Variants in DQX1 observed in about 807,000 individuals in gnomAD.
DQX1 encodes the protein DEAQ-box RNA dependent ATPase 1, also known as ATP-dependent RNA helicase homolog DQX1.
A neutral mutation model predicts 81.3 loss-of-function variants in DQX1; 66 were observed. The ratio of observed to expected loss-of-function variants is 0.81; its 90% CI spans 0.67 to 1.00. DQX1 has a LOEUF of 1.00. DQX1 is among the 50% of genes least tolerant of loss of function. DQX1 has a pLI of 0.00. For missense variants in DQX1, 798 were observed against 867.9 expected (o/e 0.92, Z 1.01); for synonymous variants, 290 against 350.0 (o/e 0.83, Z 1.91).
In DQX1 at chr2:74,520,272, T is replaced by G. The variant is rs565342373; in HGVS notation, c.1496-238A>C. The stretch of plus-strand genomic sequence containing the variant: ...GAGACCAACAGGTAAGCAGACTTGA[T>G]AAGCATGATAGGTGTTTGTATATGG... On this transcript the variant is annotated intron_variant, in intron 8 of 11. Coordinates refer to ENST00000404568, the MANE Select transcript of DQX1 (RefSeq NM_133637.3). Among the ~76,000 whole-genome samples the G allele has an allele frequency of 4.6e-5, 7 of 152,356 alleles. No individual in the cohort carries two copies. The East Asian group carries it at 1.4e-3, about 29-fold the overall frequency.
At chr2:74,520,922 C>G (rs1675006119) in intron 8 of DQX1, among the ~76,000 whole-genome samples, 1 of 152,176 alleles carries the variant, frequency 6.6e-6, no homozygotes, top group African/African-American at 2.4e-5. Flanking sequence ...ATCCTCCCAT[C>G]TCAGCCTCCC....
In DQX1 at chr2:74,525,044, G is replaced by T. The variant is rs1675135379; in HGVS notation, c.396C>A (p.Pro132=). Residue 132 remains proline, a synonymous_variant, in exon 3 of 12, where the codon CCC becomes CCA. Transcript: ENST00000404568. The surrounding 1 kb of genome is among the most constrained non-coding windows in gnomAD (Gnocchi z 4.1). ...TGTTGGGCCCCGTGCAGTCCTCCTG[G>T]GGGATGCTGTATCCAACCTCATGAC... The part of the protein sequence containing the change: ...TLGHEVGYSI[P]QEDCTGPNTL... The T allele has an allele frequency of 6.2e-7, 1 of 1,613,978 alleles. No homozygotes were observed. Among genetic ancestry groups the T allele is most frequent in the Admixed American group, 1.7e-5 (1 of 59,992 alleles).
Position 74,523,440 on chromosome 2 carries a change from C to T in DQX1, c.914G>A (p.Gly305Glu), listed in dbSNP as rs769014157. 6.2e-6 allele frequency: 10 copies of T among 1,613,990 alleles called. No individual in the cohort carries two copies. Among genetic ancestry groups the T allele is most frequent in the South Asian group, 1.1e-5 (1 of 91,080 alleles). Residue 305 changes from glycine (G) to glutamate (E), a missense_variant, in exon 5 of 12, where the codon GGA (glycine) becomes GAA (glutamate). Gly to Glu is a moderately conservative substitution (Grantham distance 98, BLOSUM62 -2). Transcript: ENST00000404568. ...PRVLPLHPDC[G>E]RAVQAVYEDM... ...CTCATACACAGCCTGAACGGCTCGT[C>T]CACAGTCTGGGTGAAGGGGCAGTAC...
In DQX1 at chr2:74,524,101, C is replaced by T. The variant is rs143875045; in HGVS notation, c.638G>A (p.Arg213Gln). 66 of 1,614,134 alleles carry T rather than the reference C, an allele frequency of 4.1e-5. No homozygotes were observed. The African/African-American group carries it at 6.3e-4, about 15-fold the overall frequency. Residue 213 changes from arginine to glutamine, a missense_variant, in exon 4 of 12, where the codon CGA becomes CAA. Transcript: ENST00000404568. Reference protein sequence around the residue: ...VTDPALEPKLRAFWGNPPIVH... With the variant: ...VTDPALEPKLQAFWGNPPIVH... ...AATAGGAGGATTGCCCCAGAAAGCT[C>T]GGAGCTTAGGTTCAAGGGCTGGGTC...
Position 74,519,146 on chromosome 2 carries a change from G to A in DQX1, c.1891C>T (p.Arg631Ter), listed in dbSNP as rs755414819. The A allele has an allele frequency of 7.4e-6, 12 of 1,613,420 alleles. No homozygotes were observed. The highest frequency in any genetic ancestry group is 2.2e-5 in the East Asian group (1 of 44,878). Residue 631 changes from arginine (R) to a stop codon, truncating the protein, a stop_gained, in exon 11 of 12, where the codon CGA (arginine) becomes TGA (stop). Transcript: ENST00000404568. LOFTEE classifies it high-confidence loss of function. ...VAQLSSYCCY[R>*]SRRAPARPPP... ...GGTCTGGCAGGAGCTCTGCGGCTTC[G>A]GTAGCAGCAGTATGAGGAGAGCTGG...
chr2:74,520,428 C>T (rs1055731277), intron 8 of DQX1, among the ~76,000 whole-genome samples: 5 of 152,072 alleles, frequency 3.3e-5, no homozygotes, highest in African/African-American at 4.8e-5. Flanking sequence ...CGAGTGGAGA[C>T]GGGGCAGGGA....
intron 3 of DQX1, among the ~76,000 whole-genome samples, chr2:74,524,807 C>T (rs577295855): frequency 1.5e-4 from 23 of 152,136 alleles, no homozygotes; most frequent in Non-Finnish European, 2.8e-4. Context: ...CACTTGAGCC[C>T]GGGAGGTTGA....
rs146254354 is a variant in DQX1 at position 74,523,433 on chromosome 2, G to A, written c.921C>T (p.Ala307=). The part of the protein sequence containing the change: ...VLPLHPDCGR[A]VQAVYEDMDA... ...CCATGTCCTCATACACAGCCTGAAC[G>A]GCTCGTCCACAGTCTGGGTGAAGGG... Residue 307 remains alanine (A), a synonymous_variant, in exon 5 of 12, where the codon GCC becomes GCT. Transcript: ENST00000404568. 5.4e-4 allele frequency: 867 copies of A among 1,614,118 alleles called. 10 individuals carry two copies. In the African/African-American group the frequency reaches 9.4e-3, roughly 18 times the overall value.
chr2:74,523,666 G>T (rs929775250), intron 4 of DQX1, 129 bp from the exon 5 acceptor site: 5 of 1,017,564 alleles, frequency 4.9e-6, no homozygotes, highest in Non-Finnish European at 7.0e-6. Context: ...TAAAGTTGAA[G>T]GTTTTATAAT....
intron 4 of DQX1, 28 bp downstream of exon 4, chr2:74,523,895 G>GC: frequency 6.6e-7 from 1 of 1,514,884 alleles, no homozygotes; most frequent in Non-Finnish European, 8.8e-7. Context: ...TTTGCAGGCT[G>GC]TTTTTTTTGT....
chr2:74,520,543 G>A (rs1337403677), intron 8 of DQX1, among the ~76,000 whole-genome samples: 1 of 152,174 alleles, frequency 6.6e-6, no homozygotes, highest in Admixed American at 6.5e-5. Flanking sequence ...AAATGACGTG[G>A]CAGAATGGCA....
Position 74,523,481 on chromosome 2 carries a change from T to C in DQX1, c.873A>G (p.Gln291=). ...LSREVESLLL[Q]GLPPRVLPLH... ...GGGGCAGTACTCGTGGTGGAAGCCC[T>C]TGGAGAAGCAAGGACTCTACCTCCC... Residue 291 remains glutamine, a synonymous_variant, in exon 5 of 12, where the codon CAA becomes CAG. Transcript: ENST00000404568. The C allele has an allele frequency of 1.9e-6, 3 of 1,614,062 alleles. No individual in the cohort carries two copies. Among genetic ancestry groups the C allele is most frequent in the South Asian group, 1.1e-5 (1 of 91,064 alleles).
At chr2:74,522,511 A>G in intron 8 of DQX1, 69 bp downstream of exon 8, 12 of 1,544,846 alleles carry the variant, frequency 7.8e-6, no homozygotes, top group Non-Finnish European at 1.1e-5. Flanking sequence ...TAGCCTCAGG[A>G]GCACCAAAAC....
In DQX1 at chr2:74,518,476, C is replaced by T. The variant is rs762474946; in HGVS notation, c.2124G>A (p.Gln708=). The change falls in exon 12 of 12, where the codon CAG becomes CAA. Residue 708 remains glutamine, a synonymous_variant. Transcript: ENST00000404568. ...GCAGGACACAGGGATCTCTGAACTC[C>T]TGGGCTGAGGATGATTTGCTCCCTG... ...STAGSKSSSA[Q]EFRDPCVLQ 1.3e-5 allele frequency: 21 copies of T among 1,614,214 alleles called. No homozygotes were observed. The highest frequency in any genetic ancestry group is 1.7e-5 in the Admixed American group (1 of 60,030).
rs1370699974 is a variant in DQX1 at position 74,525,591 on chromosome 2, T to A, written c.139A>T (p.Ile47Phe). 6.4e-7 allele frequency: 1 copy of A among 1,552,024 alleles called. No individual in the cohort carries two copies. Residue 47 changes from isoleucine (I) to phenylalanine (F), a missense_variant, in exon 2 of 12, where the codon ATC becomes TTC. Physicochemically the swap from Ile to Phe is conservative, Grantham distance 21 (BLOSUM62 0). Transcript: ENST00000404568. The surrounding 1 kb of genome is among the most constrained non-coding windows in gnomAD (Gnocchi z 4.1). ...ELLKQRQALP[I>F]WAARFTFLEQ... Reference sequence around the variant, plus strand: ...AAGAAGGTAAAGCGAGCAGCCCAGATGGGCAAGGCTTGGCGCTGCTTCAGC... The same window carrying A: ...AAGAAGGTAAAGCGAGCAGCCCAGAAGGGCAAGGCTTGGCGCTGCTTCAGC...
Position 74,519,914 on chromosome 2 carries a change from C to G in DQX1, c.1615+1G>C. ...ATTCTATAAAAGGATGCAGAACTCA[C>G]TTTGTATAAAGGCTTCATACACCTG... On this transcript the variant is annotated splice_donor_variant, in intron 9 of 11. Coordinates refer to ENST00000404568, the MANE Select transcript of DQX1 (RefSeq NM_133637.3). LOFTEE classifies it high-confidence loss of function. The G allele has an allele frequency of 6.2e-7, 1 of 1,612,824 alleles. No homozygotes were observed. Among genetic ancestry groups the G allele is most frequent in the Non-Finnish European group, 8.5e-7 (1 of 1,179,228 alleles).
chr2:74,520,677 GTTGT>G (rs1193405363), intron 8 of DQX1, among the ~76,000 whole-genome samples: 3 of 151,942 alleles, frequency 2.0e-5, no homozygotes, highest in Admixed American at 6.6e-5. Context: ...TTTTGTTGTT[GTTGT>G]TTGTTTATTT....
At position 74,525,860 on chromosome 2, in the gene DQX1, C is replaced by A; in HGVS notation, c.-19-112G>T. 1 of 733,172 alleles carries A rather than the reference C, an allele frequency of 1.4e-6. No individual in the cohort carries two copies. The highest frequency in any genetic ancestry group is 2.2e-6 in the Non-Finnish European group (1 of 455,078). 45.4% of individuals were successfully genotyped at this position (733,172 alleles called of 1,614,324 possible). A position where few individuals can be genotyped will look rare whatever the true frequency, so the allele number is the denominator to read the frequency against. ...CAGTTGATCATGCTCTGGGGCCCAC[C>A]CTTCCCAGCATTTCCTGCCAGGAAA... is the stretch of plus-strand genomic sequence containing the variant. On this transcript the variant is annotated intron_variant, in intron 1 of 11. Coordinates refer to ENST00000404568, the MANE Select transcript of DQX1 (RefSeq NM_133637.3). The surrounding 1 kb of genome is among the most constrained non-coding windows in gnomAD (Gnocchi z 4.1).
At position 74,525,832 on chromosome 2, in the gene DQX1, C is replaced by G; in HGVS notation, c.-19-84G>C. ...CTCAGCCCTGATCCTTAACCTCTAC[C>G]TTCAGTTGATCATGCTCTGGGGCCC... On this transcript the variant is annotated intron_variant, in intron 1 of 11. Coordinates refer to ENST00000404568, the MANE Select transcript of DQX1 (RefSeq NM_133637.3). This position sits in a 1 kb window ranked among gnomAD's most constrained non-coding sequence, Gnocchi z 4.1. 1.0e-6 allele frequency: 1 copy of G among 959,110 alleles called. No individual in the cohort carries two copies. Among genetic ancestry groups the G allele is most frequent in the Non-Finnish European group, 1.5e-6 (1 of 649,672 alleles). The allele number at this position is 959,110 out of a possible 1,614,324, so 59.4% of individuals were successfully genotyped here.
Sources: gnomAD v4.1 joint callset for allele counts (sites outside exome capture counted in the v4.1 genomes callset) on GRCh38, gnomAD v4.1.1 for gene constraint, Gnocchi (gnomAD v3.1) non-coding constraint, MANE v1.5 for transcripts, NCBI Gene and HGNC (gene_info 2026-07-23, HGNC 2026-07-21) for gene names.